PLD3: variants seen among roughly 807,000 people sequenced by gnomAD.
The protein encoded by PLD3 is 5'-3' exonuclease PLD3.
In PLD3, 31 loss-of-function variants were observed where a neutral mutation model predicts 58.4. That is an observed-to-expected ratio of 0.53 (90% CI 0.40 to 0.72). The LOEUF (loss-of-function observed/expected upper bound fraction) is 0.72. PLD3 is among the 30% of genes least tolerant of loss of function. The probability of loss-of-function intolerance (pLI) is 0.00; values close to 1 mark genes in which losing one functional copy is unlikely to be tolerated. For missense variants in PLD3, 595 were observed against 659.8 expected (o/e 0.90, Z 1.08); for synonymous variants, 264 against 273.4 (o/e 0.97, Z 0.34).
chr19:40,362,992 T>G (rs1314631770), intron 1 of PLD3, among the ~76,000 whole-genome samples: 1 of 152,148 alleles, frequency 6.6e-6, no homozygotes, highest in Non-Finnish European at 1.5e-5. Flanking sequence ...CTGGAACTCC[T>G]GGGCTCAAGC....
At chr19:40,376,835 C>G in intron 11 of PLD3, 61 bp downstream of exon 11, 1 of 1,461,740 alleles carries the variant, frequency 6.8e-7, no homozygotes, top group Non-Finnish European at 9.3e-7. Flanking sequence ...GGACACAGCC[C>G]TCATGGGACT....
At chr19:40,364,723 G>C (rs1385963346) in intron 1 of PLD3, among the ~76,000 whole-genome samples, 1 of 151,530 alleles carries the variant, frequency 6.6e-6, no homozygotes, top group Non-Finnish European at 1.5e-5. Flanking sequence ...TCGAACCAGG[G>C]AGGTGGAGGT....
intron 1 of PLD3, among the ~76,000 whole-genome samples, chr19:40,363,186 C>T (rs926228218): frequency 6.6e-6 from 1 of 152,204 alleles, no homozygotes. Flanking sequence ...TTCATCTTGG[C>T]TTCCCTAATT....
At chr19:40,367,659 C>A in intron 5 of PLD3, 37 bp from the exon 6 acceptor site, 1 of 1,567,874 alleles carries the variant, frequency 6.4e-7, no homozygotes, top group Non-Finnish European at 8.7e-7. Context: ...CCTTGCTCTC[C>A]GGCACCGTAT....
chr19:40,361,887 G>A (rs550533870), intron 1 of PLD3, among the ~76,000 whole-genome samples: 28 of 149,966 alleles, frequency 1.9e-4, no homozygotes, highest in South Asian at 6.3e-4. Context: ...TGTCGCCCAC[G>A]CTGGAGTGCG....
intron 1 of PLD3, chr19:40,360,136 C>T (rs961090096): frequency 6.6e-6 from 1 of 152,366 alleles, no homozygotes; most frequent in Non-Finnish European, 1.5e-5. Flanking sequence ...ACCTCCAATC[C>T]TTGCAGTTGC....
intron 9 of PLD3, among the ~76,000 whole-genome samples, chr19:40,372,387 C>T (rs760402795): frequency 1.6e-4 from 25 of 151,974 alleles, no homozygotes; most frequent in Non-Finnish European, 3.4e-4. Context: ...GTCACAGCTA[C>T]GCAGGAGGCT....
At chr19:40,373,296 G>A (rs1028490313) in intron 9 of PLD3, among the ~76,000 whole-genome samples, 10 of 152,146 alleles carry the variant, frequency 6.6e-5, no homozygotes, top group African/African-American at 9.7e-5. Context: ...AAGATGGGGG[G>A]CCAGGCACAG....
intron 11 of PLD3, among the ~76,000 whole-genome samples, chr19:40,377,038 G>A (rs1428871165): frequency 6.6e-6 from 1 of 150,546 alleles, no homozygotes; most frequent in Non-Finnish European, 1.5e-5. Flanking sequence ...GGCAGGTAGA[G>A]GGGTCAGGGC....
At chr19:40,364,152 G>A (rs2078855911) in intron 1 of PLD3, among the ~76,000 whole-genome samples, 1 of 151,140 alleles carries the variant, frequency 6.6e-6, no homozygotes, top group East Asian at 2.0e-4. Context: ...TCAGGAGTTC[G>A]AGACCAGCCT....
At position 40,366,870 on chromosome 19, in the gene PLD3, T is replaced by A. The variant is rs749859040; in HGVS notation, c.200T>A (p.Leu67His). 1.2e-6 allele frequency: 2 copies of A among 1,613,730 alleles called. No homozygotes were observed. Among genetic ancestry groups the A allele is most frequent in the Non-Finnish European group, 1.7e-6 (2 of 1,179,884 alleles). ...LFLWEYGDLH[L>H]FGPNQRPAPC... ...CTATGGGAATACGGCGACTTGCATC[T>A]CTTTGGGCCCAACCAGCGCCCAGCC... The change falls in exon 5 of 13, where the codon CTC becomes CAC. Residue 67 changes from leucine to histidine, a missense_variant. Coordinates refer to ENST00000409735, the MANE Select transcript of PLD3 (RefSeq NM_012268.4).
In PLD3 at chr19:40,367,682, C is replaced by G. The variant is rs1156398671; in HGVS notation, c.246-14C>G. Reference sequence around the variant, plus strand: ...TCCGGCACCGTATGGCTGATAGCATCCCCCACCCCCCAGAGCAGTGCTGGT... The same window carrying G: ...TCCGGCACCGTATGGCTGATAGCATGCCCCACCCCCCAGAGCAGTGCTGGT... On this transcript the variant is annotated splice_polypyrimidine_tract_variant and intron_variant, in intron 5 of 12. Transcript: ENST00000409735. 1 of 1,592,628 alleles carries G rather than the reference C, an allele frequency of 6.3e-7. No homozygotes were observed. The highest frequency in any genetic ancestry group is 8.6e-7 in the Non-Finnish European group (1 of 1,164,118).
intron 5 of PLD3, 53 bp downstream of exon 5, chr19:40,366,968 A>G: frequency 6.5e-7 from 1 of 1,537,250 alleles, no homozygotes; most frequent in Non-Finnish European, 8.8e-7. Flanking sequence ...GACCAGGTAC[A>G]CTTAAGCACA....
At chr19:40,362,003 A>AT (rs2078798925) in intron 1 of PLD3, among the ~76,000 whole-genome samples, 1 of 151,776 alleles carries the variant, frequency 6.6e-6, no homozygotes, top group African/African-American at 2.4e-5. Flanking sequence ...CGCCCGGCTA[A>AT]TTTTTGTATT....
intron 9 of PLD3, 37 bp from the exon 10 acceptor site, chr19:40,374,444 G>C: frequency 6.2e-7 from 1 of 1,611,276 alleles, no homozygotes; most frequent in Non-Finnish European, 8.5e-7. Context: ...CGATGACCCT[G>C]GCAGGGCACA....
chr19:40,370,019 C>T lies in PLD3; in HGVS notation c.541C>T (p.Leu181=). Residue 181 remains leucine (L), a synonymous_variant, in exon 7 of 13, where the codon CTG becomes TTG. Transcript: ENST00000409735. ...GCCACAGGCGGACCTGCAGGCTCTG[C>T]TGCAGAGCGGTGAGCTGGGGCCCAA... ...PQPQADLQAL[L]QSGAQVRMVD... 6.4e-7 allele frequency: 1 copy of T among 1,562,710 alleles called. No individual in the cohort carries two copies. The highest frequency in any genetic ancestry group is 1.4e-5 in the African/African-American group (1 of 73,760).
In PLD3 at chr19:40,370,203, G is replaced by C. The variant is rs1342485703; in HGVS notation, c.644G>C (p.Gly215Ala). The stretch of plus-strand genomic sequence containing the variant: ...GTGGACCAGACCCACTTCTACCTGG[G>C]CAGTGCCAACATGGACTGGCGTTCA... ...WVVDQTHFYL[G>A]SANMDWRSLT... Residue 215 changes from glycine (G) to alanine (A), a missense_variant, in exon 8 of 13, where the codon GGC (glycine) becomes GCC (alanine). Gly to Ala is a moderately conservative substitution (Grantham distance 60). Transcript: ENST00000409735. 1 of 1,614,034 alleles carries C rather than the reference G, an allele frequency of 6.2e-7. No homozygotes were observed.
At chr19:40,367,592 A>G (rs1365177062) in intron 5 of PLD3, 104 bp from the exon 6 acceptor site, 1 of 1,023,532 alleles carries the variant, frequency 9.8e-7, no homozygotes, top group East Asian at 2.5e-5. Context: ...TAAAAAAAAA[A>G]AAATACAGTC....
At chr19:40,364,348 C>G (rs949052501) in intron 1 of PLD3, among the ~76,000 whole-genome samples, 1 of 148,924 alleles carries the variant, frequency 6.7e-6, no homozygotes, top group African/African-American at 2.5e-5. Flanking sequence ...AGCGAAACTC[C>G]GTCTCAGAAA....
Sources: allele counts gnomAD v4.1 joint callset (sites outside exome capture counted in the v4.1 genomes callset), GRCh38; gene constraint gnomAD v4.1.1; transcripts MANE v1.5; gene names NCBI Gene and HGNC (gene_info 2026-07-23, HGNC 2026-07-21).